The following LAMA4 variants were observed in gnomAD, a reference collection of about 807,000 sequenced individuals.
LAMA4 encodes laminin subunit alpha 4.
A neutral mutation model predicts 207.1 loss-of-function variants in LAMA4; 127 were observed. The ratio of observed to expected loss-of-function variants is 0.61; its 90% CI spans 0.53 to 0.71. The LOEUF (loss-of-function observed/expected upper bound fraction) is 0.71. LAMA4 is among the 30% of genes least tolerant of loss of function. The pLI, the probability that LAMA4 is intolerant of heterozygous loss-of-function variation, is 0.00. For missense variants in LAMA4, 2,093 were observed against 2,246.5 expected, an observed-to-expected ratio of 0.93 and a Z score of 1.38; for synonymous variants, 761 against 816.0, an observed-to-expected ratio of 0.93 and a Z score of 1.15.
intron 7 of LAMA4, chr6:112,188,767 A>G: frequency 4.4e-6 from 1 of 226,378 alleles, no homozygotes; most frequent in Non-Finnish European, 8.9e-6. Context: ...TGTACGTCGT[A>G]TTTTCAGGGA....
intron 5 of LAMA4, chr6:112,200,223 A>G (rs782342520): frequency 3.8e-6 from 2 of 519,884 alleles, no homozygotes; most frequent in Admixed American, 4.2e-5. Flanking sequence ...AAGAGAGAAA[A>G]GAGTGTCATG....
At position 112,154,892 on chromosome 6, in the gene LAMA4, A is replaced by T. The variant is rs373081510; in HGVS notation, c.2015T>A (p.Leu672His). The T allele has an allele frequency of 6.2e-7, 1 of 1,613,326 alleles. No homozygotes were observed. The highest frequency in any genetic ancestry group is 8.5e-7 in the Non-Finnish European group (1 of 1,179,436). ...TTGCAGTTCTCTGGCTTGATTGAGG[A>T]GGTTCTCACTTTCATCTTTATGGTA... ...IIYHKDESENLLNQARELQAK... is the reference protein window; with the variant it reads ...IIYHKDESENHLNQARELQAK... The change falls in exon 16 of 39, where the codon CTC (leucine) becomes CAC (histidine). Residue 672 changes from leucine to histidine, a missense_variant. By Grantham distance (99) the Leu-to-His change is moderately conservative. This residue lies in a region of LAMA4 where 1,704 missense variants were observed against 1,788.4 expected (regional missense o/e 0.95). Transcript: ENST00000230538.
At chr6:112,135,325 G>A (rs1779276310) in intron 25 of LAMA4, among the ~76,000 whole-genome samples, 1 of 152,062 alleles carries the variant, frequency 6.6e-6, no homozygotes, top group Non-Finnish European at 1.5e-5. Context: ...TCCCAAGCAG[G>A]TGCCTTCTGG....
At chr6:112,200,054 GA>G (rs1441469699) in intron 5 of LAMA4, 1 of 522,948 alleles carries the variant, frequency 1.9e-6, no homozygotes, top group Non-Finnish European at 3.9e-6. Context: ...ACCTGTCTGA[GA>G]GACTCTTTGA....
chr6:112,185,199 T>G, intron 9 of LAMA4, 38 bp downstream of exon 9: 1 of 1,349,474 alleles, frequency 7.4e-7, no homozygotes. Flanking sequence ...ATCCTTTCTT[T>G]GAAGGCTGTC....
rs782524436 is a variant in LAMA4 at position 112,185,218 on chromosome 6, T to G, written c.1077+19A>C. On this transcript the variant is annotated intron_variant, in intron 9 of 38. Transcript: ENST00000230538. The stretch of plus-strand genomic sequence containing the variant: ...TTTCTTTGAAGGCTGTCCCAGAAAC[T>G]GAATACATACATACGTACCTTTTCA... 6.7e-7 allele frequency: 1 copy of G among 1,487,316 alleles called. No homozygotes were observed. The highest frequency in any genetic ancestry group is 1.4e-5 in the African/African-American group (1 of 72,208). The allele number at this position is 1,487,316 out of a possible 1,614,324, so 92.1% of individuals were successfully genotyped here. A position where few individuals can be genotyped will look rare whatever the true frequency, so the allele number is the denominator to read the frequency against.
In LAMA4 at chr6:112,202,057, T is replaced by C. The variant is rs1276661639; in HGVS notation, c.423-369A>G. ...GTCATTTAAAAGTTTCCCCTTTTTT[T>C]CTGCACTAGAACTTGTCCAGTTTTA... is the stretch of plus-strand genomic sequence containing the variant. On this transcript the variant is annotated intron_variant, in intron 4 of 38. Transcript: ENST00000230538. 3.3e-5 allele frequency among the ~76,000 whole-genome samples: 5 copies of C among 152,354 alleles called. No individual in the cohort carries two copies. In the South Asian group the frequency reaches 1.0e-3, roughly 32 times the overall value.
chr6:112,190,917 TTCTTTCTTTCTTTC>T (rs1175894364), intron 6 of LAMA4, among the ~76,000 whole-genome samples: 1 of 101,236 alleles, frequency 9.9e-6, no homozygotes, highest in African/African-American at 3.7e-5. Flanking sequence ...CTTTCTTTCT[TTCTTTCTTTCTTTC>T]TTTCTTTCTT....
intron 9 of LAMA4, chr6:112,179,921 T>A: frequency 1.9e-6 from 1 of 533,110 alleles, no homozygotes; most frequent in South Asian, 1.4e-5. Flanking sequence ...TTCCTGCAAT[T>A]CCAGTCTTCT....
chr6:112,123,556 T>TC (rs1411448965), intron 31 of LAMA4, among the ~76,000 whole-genome samples: 2 of 151,096 alleles, frequency 1.3e-5, no homozygotes, highest in Non-Finnish European at 3.0e-5. Flanking sequence ...AAAGACAAAA[T>TC]CCCCCCCACA....
intron 5 of LAMA4, among the ~76,000 whole-genome samples, chr6:112,199,770 CTTT>C (rs11377610): frequency 2.0e-5 from 3 of 147,114 alleles, no homozygotes; most frequent in East Asian, 4.0e-4. Context: ...GATACTGTGG[CTTT>C]TTTTTTTTTG....
At position 112,109,436 on chromosome 6, in the gene LAMA4, G is replaced by T. The variant is rs148811960; in HGVS notation, c.*1C>A. 1 of 1,613,864 alleles carries T rather than the reference G, an allele frequency of 6.2e-7. No individual in the cohort carries two copies. Among genetic ancestry groups the T allele is most frequent in the African/African-American group, 1.3e-5 (1 of 75,046 alleles). ...TATTTGGGCAGCTGTGCTCTGTCAT[G>T]TCAGGCTGCTGGACAGGAGTTGATG... On this transcript the variant is annotated 3_prime_UTR_variant, in exon 39 of 39. Coordinates refer to ENST00000230538, the MANE Select transcript of LAMA4 (RefSeq NM_001105206.3).
chr6:112,146,088 G>C (rs1305986512), intron 18 of LAMA4, among the ~76,000 whole-genome samples: 2 of 152,166 alleles, frequency 1.3e-5, no homozygotes, highest in African/African-American at 4.8e-5. Flanking sequence ...TCAGGAGGTT[G>C]AGACCAGCCT....
chr6:112,114,240 T>TGAA (rs781913226), intron 37 of LAMA4, 45 bp from the exon 38 acceptor site: 1 of 1,552,418 alleles, frequency 6.4e-7, no homozygotes, highest in Non-Finnish European at 8.8e-7. Context: ...ACTGGAGTGA[T>TGAA]GAATTTTTAA....
chr6:112,143,120 G>A (rs1173930601), intron 19 of LAMA4, among the ~76,000 whole-genome samples: 1 of 152,058 alleles, frequency 6.6e-6, no homozygotes, highest in African/African-American at 2.4e-5. Flanking sequence ...TATGGATTGT[G>A]TATACTTATG....
In LAMA4 at chr6:112,254,497, C is replaced by T. The variant is rs1201258172; in HGVS notation, c.-180G>A. The T allele has an allele frequency of 7.9e-6, 3 of 380,214 alleles. No homozygotes were observed. The highest frequency in any genetic ancestry group is 6.3e-5 in the African/African-American group (3 of 47,956). The allele number at this position is 380,214 out of a possible 1,614,324, so 23.6% of individuals were successfully genotyped here. A position where few individuals can be genotyped will look rare whatever the true frequency, so the allele number is the denominator to read the frequency against. ...AAGGCAGACGGATTGGGGTGAGCCCCGCCAGCGCTAGGCCACCTCCTCTCC... is the reference window on the plus strand; with the variant it reads ...AAGGCAGACGGATTGGGGTGAGCCCTGCCAGCGCTAGGCCACCTCCTCTCC... On this transcript the variant is annotated 5_prime_UTR_variant, in exon 1 of 39. Transcript: ENST00000230538.
intron 2 of LAMA4, among the ~76,000 whole-genome samples, chr6:112,247,728 A>G (rs1204476709): frequency 2.0e-5 from 3 of 152,112 alleles, no homozygotes; most frequent in African/African-American, 7.2e-5. Flanking sequence ...CAGCAATTCC[A>G]CTTCTAGGTA....
intron 10 of LAMA4, among the ~76,000 whole-genome samples, chr6:112,175,871 T>C (rs969645136): frequency 6.6e-6 from 1 of 152,256 alleles, no homozygotes; most frequent in Non-Finnish European, 1.5e-5. Context: ...CAGCCTTTTA[T>C]ATAACATACT....
chr6:112,131,124 T>C, intron 28 of LAMA4, 23 bp from the exon 29 acceptor site: 1 of 1,611,662 alleles, frequency 6.2e-7, no homozygotes, highest in Non-Finnish European at 8.5e-7. Flanking sequence ...CACAGGCATG[T>C]AAGTAGGGAG....
Sources: allele counts gnomAD v4.1 joint callset (sites outside exome capture counted in the v4.1 genomes callset), GRCh38; gene constraint gnomAD v4.1.1; regional missense constraint gnomAD v4.1.1; transcripts MANE v1.5; gene names NCBI Gene and HGNC (gene_info 2026-07-23, HGNC 2026-07-21).